CNTN5: variants seen among roughly 807,000 people sequenced by gnomAD.
CNTN5 encodes the protein contactin-5.
Under a neutral mutation model 129.1 loss-of-function variants are expected in CNTN5, and 77 were observed. The ratio of observed to expected loss-of-function variants is 0.60; its 90% CI spans 0.50 to 0.72. The LOEUF is 0.72. Ranked by LOEUF, CNTN5 falls within the 30% of genes least tolerant of loss-of-function variation. The probability of loss-of-function intolerance (pLI) is 0.00; values close to 1 mark genes in which losing one functional copy is unlikely to be tolerated. For synonymous variants in CNTN5, 509 were observed against 465.6 expected (o/e 1.09, Z -1.20); for missense variants, 1,478 against 1,328.8 (o/e 1.11, Z -1.75).
At chr11:99,421,565 G>A (rs1342802052) in intron 2 of CNTN5, among the ~76,000 whole-genome samples, 1 of 152,166 alleles carries the variant, frequency 6.6e-6, no homozygotes, top group African/African-American at 2.4e-5. Flanking sequence ...TGGGCTTTAT[G>A]TAGCATGACA....
At chr11:99,588,155 A>G (rs906650733) in intron 3 of CNTN5, among the ~76,000 whole-genome samples, 1 of 152,164 alleles carries the variant, frequency 6.6e-6, no homozygotes, top group African/African-American at 2.4e-5. Flanking sequence ...CATCCTGGCT[A>G]ACACGGTGAA....
chr11:99,090,880 G>A (rs749388970), intron 1 of CNTN5, among the ~76,000 whole-genome samples: 152 of 152,004 alleles, frequency 1.0e-3, no homozygotes, highest in Middle Eastern at 3.4e-3. Flanking sequence ...AAATTAGCCC[G>A]TCGCGGTGGC....
chr11:99,387,506 A>G lies in CNTN5; in HGVS notation c.-71+62022A>G, dbSNP rs558858644. 1.1e-3 allele frequency among the ~76,000 whole-genome samples: 166 copies of G among 152,318 alleles called. 1 individual carries two copies. The highest frequency in any genetic ancestry group is 1.8e-3 in the Non-Finnish European group (121 of 68,022). Reference sequence around the variant, plus strand: ...TTTAAATGATTTCAAACCATTTATTATAAGTAACAATATATAATCGCCTAT... The same window carrying G: ...TTTAAATGATTTCAAACCATTTATTGTAAGTAACAATATATAATCGCCTAT... On this transcript the variant is annotated intron_variant, in intron 2 of 24. Transcript: ENST00000524871.
At chr11:99,062,050 G>A (rs1392219602) in intron 1 of CNTN5, among the ~76,000 whole-genome samples, 1 of 151,906 alleles carries the variant, frequency 6.6e-6, no homozygotes, top group Non-Finnish European at 1.5e-5. Context: ...TAAAGCCAGT[G>A]CCTCTTGATT....
chr11:100,041,530 C>T (rs1942380168), intron 9 of CNTN5, among the ~76,000 whole-genome samples: 1 of 152,178 alleles, frequency 6.6e-6, no homozygotes, highest in Non-Finnish European at 1.5e-5. Flanking sequence ...CTTGGCAAGG[C>T]TGCTTTGGCA....
chr11:99,795,468 A>G (rs1120007), intron 3 of CNTN5, among the ~76,000 whole-genome samples: 89,694 of 151,950 alleles, frequency 0.59, 27,001 homozygotes, highest in East Asian at 0.72. Flanking sequence ...GGGAACTAGC[A>G]TGATCATTTG....
At chr11:99,429,771 T>G (rs1463702313) in intron 2 of CNTN5, among the ~76,000 whole-genome samples, 1 of 152,074 alleles carries the variant, frequency 6.6e-6, no homozygotes, top group Admixed American at 6.6e-5. Context: ...TACAGTACAC[T>G]TTGTTACTAA....
chr11:99,105,658 T>C (rs1258367566), intron 1 of CNTN5, among the ~76,000 whole-genome samples: 1 of 152,146 alleles, frequency 6.6e-6, no homozygotes, highest in African/African-American at 2.4e-5. Context: ...TCTGATAAAA[T>C]GTCTGCAATA....
intron 1 of CNTN5, among the ~76,000 whole-genome samples, chr11:99,174,240 C>T (rs1205040344): frequency 6.6e-6 from 1 of 152,154 alleles, no homozygotes; most frequent in African/African-American, 2.4e-5. Flanking sequence ...CTCAAGTGAT[C>T]TGCTTGCCTT....
intron 1 of CNTN5, among the ~76,000 whole-genome samples, chr11:99,040,630 C>T (rs1014499835): frequency 3.9e-5 from 6 of 152,068 alleles, no homozygotes; most frequent in Non-Finnish European, 8.8e-5. Context: ...CAATTCTATT[C>T]AACTTAGGTT....
intron 3 of CNTN5, among the ~76,000 whole-genome samples, chr11:99,776,271 G>A (rs905323885): frequency 3.3e-5 from 5 of 151,918 alleles, no homozygotes; most frequent in Non-Finnish European, 7.4e-5. Flanking sequence ...TACAGAGAAG[G>A]CAGAAACTAA....
At chr11:99,960,562 A>G (rs191755466) in intron 8 of CNTN5, among the ~76,000 whole-genome samples, 4 of 152,146 alleles carry the variant, frequency 2.6e-5, no homozygotes, top group Non-Finnish European at 4.4e-5. Context: ...TGTGTTTTTC[A>G]TACTAACTGA....
intron 1 of CNTN5, among the ~76,000 whole-genome samples, chr11:99,135,018 T>A (rs539722145): frequency 2.8e-4 from 43 of 152,204 alleles, no homozygotes; most frequent in Non-Finnish European, 6.0e-4. Flanking sequence ...ATGATGAACA[T>A]TTATTCCACT....
chr11:99,981,094 A>ATATATATATATATATATATATG (rs1364632953), intron 8 of CNTN5, among the ~76,000 whole-genome samples: 1 of 81,246 alleles, frequency 1.2e-5, no homozygotes, highest in East Asian at 4.2e-4. Flanking sequence ...ATATATATAT[A>ATATATATATATATATATATATG]TATATATATA....
At chr11:99,973,309 TATTTA>T (rs1365459292) in intron 8 of CNTN5, among the ~76,000 whole-genome samples, 1 of 152,208 alleles carries the variant, frequency 6.6e-6, no homozygotes, top group Non-Finnish European at 1.5e-5. Context: ...ACTTGTCATG[TATTTA>T]ATTCCTAGTT....
At chr11:100,302,476 T>C (rs2138901237) in intron 20 of CNTN5, among the ~76,000 whole-genome samples, 1 of 151,754 alleles carries the variant, frequency 6.6e-6, no homozygotes, top group Middle Eastern at 3.4e-3. Flanking sequence ...TCCACATTCT[T>C]AGATACAGTA....
intron 23 of CNTN5, among the ~76,000 whole-genome samples, chr11:100,345,672 A>G (rs1410758808): frequency 6.6e-6 from 1 of 152,144 alleles, no homozygotes; most frequent in East Asian, 1.9e-4. Context: ...TGAACCACAT[A>G]TAATTGCACA....
At chr11:99,654,617 C>G (rs868323632) in intron 3 of CNTN5, among the ~76,000 whole-genome samples, 2 of 151,996 alleles carry the variant, frequency 1.3e-5, no homozygotes, top group Admixed American at 1.3e-4. Flanking sequence ...GAATGAAGAC[C>G]TGAGTTGTTG....
intron 3 of CNTN5, among the ~76,000 whole-genome samples, chr11:99,776,414 AG>A (rs1945126153): frequency 6.6e-6 from 1 of 152,010 alleles, no homozygotes; most frequent in South Asian, 2.1e-4. Flanking sequence ...TTTCTCTAAA[AG>A]CATTGCTTTC....
Sources: gnomAD v4.1 joint callset for allele counts (sites outside exome capture counted in the v4.1 genomes callset) on GRCh38, gnomAD v4.1.1 for gene constraint, MANE v1.5 for transcripts, NCBI Gene and HGNC (gene_info 2026-07-23, HGNC 2026-07-21) for gene names.